PCDHGA1: variants seen among roughly 807,000 people sequenced by gnomAD.
PCDHGA1 encodes protocadherin gamma-A1.
PCDHGA1 carries 32 observed loss-of-function variants against 58.0 expected under a neutral mutation model. The ratio of observed to expected loss-of-function variants is 0.55; its 90% CI spans 0.42 to 0.74. The LOEUF is 0.74. Among genes scored for constraint, PCDHGA1 ranks in the 30% least tolerant of loss-of-function variants. The pLI is 0.00. For synonymous variants in PCDHGA1, 498 were observed against 501.1 expected (o/e 0.99, Z 0.08); for missense variants, 1,205 against 1,182.3 (o/e 1.02, Z -0.28).
At chr5:141,388,887 G>T (rs1445900617) in intron 1 of PCDHGA1, 1 of 1,613,988 alleles carries the variant, frequency 6.2e-7, no homozygotes, top group South Asian at 1.1e-5. Context: ...GGAGGTAGAA[G>T]TCATAGATGA....
intron 1 of PCDHGA1, among the ~76,000 whole-genome samples, chr5:141,380,102 G>C (rs1776217775): frequency 6.6e-6 from 1 of 151,848 alleles, no homozygotes; most frequent in Non-Finnish European, 1.5e-5. Flanking sequence ...GTTTTACCAT[G>C]ATGGCCAGGC....
At position 141,491,305 on chromosome 5, in the gene PCDHGA1, G is replaced by T. The variant is rs1461861151; in HGVS notation, c.2422-3502G>T. 6.2e-7 allele frequency: 1 copy of T among 1,614,176 alleles called. No homozygotes were observed. Among genetic ancestry groups the T allele is most frequent in the African/African-American group, 1.3e-5 (1 of 75,048 alleles). ...CCTCATACACCCTCCTGAGCGTTCA[G>T]ACCTTACCCTTTACCTCATTGTGGC... On this transcript the variant is annotated intron_variant, in intron 1 of 3. Coordinates refer to ENST00000517417, the MANE Select transcript of PCDHGA1 (RefSeq NM_018912.3). This position sits in a 1 kb window ranked among gnomAD's most constrained non-coding sequence, Gnocchi z 6.9.
At chr5:141,480,715 G>A (rs906358826) in intron 1 of PCDHGA1, among the ~76,000 whole-genome samples, 1 of 152,124 alleles carries the variant, frequency 6.6e-6, no homozygotes, top group African/African-American at 2.4e-5. Flanking sequence ...ACAAATGAAA[G>A]CACAGTCTCT....
At chr5:141,384,606 A>AGATGGT in intron 1 of PCDHGA1, 1 of 1,614,152 alleles carries the variant, frequency 6.2e-7, no homozygotes, top group Non-Finnish European at 8.5e-7. Context: ...CCCTCCCCAC[A>AGATGGT]GATGGTTCTA....
At chr5:141,371,350 T>C in intron 1 of PCDHGA1, 1 of 1,613,854 alleles carries the variant, frequency 6.2e-7, no homozygotes, top group Non-Finnish European at 8.5e-7. Context: ...ACAATTGGGG[T>C]GGAAGCAAAG....
intron 1 of PCDHGA1, chr5:141,403,389 C>T (rs764725441): frequency 1.2e-6 from 2 of 1,614,050 alleles, no homozygotes; most frequent in South Asian, 1.1e-5. Context: ...AACGAAATCG[C>T]GGTTCCTGGA....
chr5:141,366,636 T>A lies in PCDHGA1; in HGVS notation c.2421+33531T>A, dbSNP rs374724936. On this transcript the variant is annotated intron_variant, in intron 1 of 3. Coordinates refer to ENST00000517417, the MANE Select transcript of PCDHGA1 (RefSeq NM_018912.3). The stretch of plus-strand genomic sequence containing the variant: ...GCGGACTCGAGGAAGAGTCACCTGA[T>A]CTTTCCCCAGCCCAACTACGCAGAC... 1.5e-5 allele frequency: 24 copies of A among 1,614,122 alleles called. No homozygotes were observed. In the African/African-American group the frequency reaches 2.7e-4, roughly 18 times the overall value.
In PCDHGA1 at chr5:141,460,596, C is replaced by A. The variant is rs930441447; in HGVS notation, c.2422-34211C>A. On this transcript the variant is annotated intron_variant, in intron 1 of 3. Transcript: ENST00000517417. ...TGTAGGTGTGGGTTTTTTCTGGGCT[C>A]TCTGTGTTAGATGGATAGATAGACA... Among the ~76,000 whole-genome samples the A allele has an allele frequency of 1.3e-5, 2 of 151,986 alleles. 1 individual carries two copies. The highest frequency in any genetic ancestry group is 4.1e-4 in the South Asian group (2 of 4,824).
At chr5:141,341,341 T>C in intron 1 of PCDHGA1, 1 of 1,614,236 alleles carries the variant, frequency 6.2e-7, no homozygotes, top group South Asian at 1.1e-5. Flanking sequence ...AAAAGGATTT[T>C]TTATCAGCGC....
At chr5:141,440,030 G>A (rs780807702) in intron 1 of PCDHGA1, 2 of 153,028 alleles carry the variant, frequency 1.3e-5, no homozygotes, top group African/African-American at 2.4e-5. Context: ...ACTCAGTGTC[G>A]AGGACATGCC....
chr5:141,350,458 T>TAG, intron 1 of PCDHGA1: 3 of 1,613,374 alleles, frequency 1.9e-6, no homozygotes, highest in Non-Finnish European at 2.5e-6. Flanking sequence ...AACTGCGGGT[T>TAG]AGTGCAGAGG....
At chr5:141,399,504 A>G (rs754910149) in intron 1 of PCDHGA1, 3 of 1,614,000 alleles carry the variant, frequency 1.9e-6, no homozygotes, top group Non-Finnish European at 2.5e-6. Context: ...GTGTACCCGA[A>G]AACAACCCTC....
Position 141,414,954 on chromosome 5 carries a change from C to T in PCDHGA1, c.2422-79853C>T, listed in dbSNP as rs759955017. ...CCGCAGAGCCCGGCTACCTGGTGAC[C>T]AAGGTGGTGGCGGTGGACAGAGACT... On this transcript the variant is annotated intron_variant, in intron 1 of 3. Coordinates refer to ENST00000517417, the MANE Select transcript of PCDHGA1 (RefSeq NM_018912.3). 10 of 1,614,058 alleles carry T rather than the reference C, an allele frequency of 6.2e-6. No individual in the cohort carries two copies. The Admixed American group carries it at 1.7e-4, about 27-fold the overall frequency.
At chr5:141,386,253 A>G (rs539545859) in intron 1 of PCDHGA1, among the ~76,000 whole-genome samples, 1 of 152,364 alleles carries the variant, frequency 6.6e-6, no homozygotes, top group Admixed American at 6.5e-5. Context: ...AAATAACCCA[A>G]TCTGGGATTA....
chr5:141,453,287 A>T (rs900058377), intron 1 of PCDHGA1, among the ~76,000 whole-genome samples: 1 of 151,368 alleles, frequency 6.6e-6, no homozygotes, highest in Non-Finnish European at 1.5e-5. Context: ...CTAATTTTTT[A>T]ATTATTTATT....
intron 3 of PCDHGA1, among the ~76,000 whole-genome samples, chr5:141,506,402 G>C (rs1032556978): frequency 7.0e-6 from 1 of 143,732 alleles, no homozygotes; most frequent in African/African-American, 2.6e-5. Context: ...GCAGAAAATC[G>C]CACCACTGCA....
At chr5:141,418,520 C>T (rs766042374) in intron 1 of PCDHGA1, 3 of 1,613,936 alleles carry the variant, frequency 1.9e-6, no homozygotes, top group Non-Finnish European at 2.5e-6. Flanking sequence ...TGGGGACCCT[C>T]CCCGAAGCGG....
intron 1 of PCDHGA1, chr5:141,393,206 A>T: frequency 6.2e-7 from 1 of 1,613,588 alleles, no homozygotes; most frequent in East Asian, 2.2e-5. Context: ...ATAATAACCC[A>T]AAATTCCAGG....
intron 1 of PCDHGA1, chr5:141,419,601 C>A (rs753678898): frequency 6.2e-7 from 1 of 1,611,818 alleles, no homozygotes; most frequent in Admixed American, 1.7e-5. Flanking sequence ...GTGCCGCGGG[C>A]CGCGCAGCCA....
Sources: gnomAD v4.1 joint callset for allele counts (sites outside exome capture counted in the v4.1 genomes callset) on GRCh38, gnomAD v4.1.1 for gene constraint, Gnocchi (gnomAD v3.1) non-coding constraint, MANE v1.5 for transcripts, NCBI Gene and HGNC (gene_info 2026-07-23, HGNC 2026-07-21) for gene names.